The following SLC24A2 variants were observed in gnomAD, a reference collection of about 807,000 sequenced individuals.
SLC24A2 encodes sodium/potassium/calcium exchanger 2.
Under a neutral mutation model 62.0 loss-of-function variants are expected in SLC24A2, and 36 were observed. The ratio of observed to expected loss-of-function variants is 0.58; its 90% CI spans 0.44 to 0.77. The LOEUF (loss-of-function observed/expected upper bound fraction) is 0.77, where lower values mean the gene tolerates loss of function less well. Ranked by LOEUF, SLC24A2 falls within the 30% of genes least tolerant of loss-of-function variation. SLC24A2 has a pLI of 0.00. For synonymous variants in SLC24A2, 358 were observed against 294.0 expected (o/e 1.22, Z -2.23); for missense variants, 846 against 817.9 (o/e 1.03, Z -0.42).
the SLC24A2 span, among the ~76,000 whole-genome samples, chr9:19,987,621 T>A: frequency 6.6e-6 from 1 of 152,178 alleles, no homozygotes; most frequent in African/African-American, 2.4e-5. Context: ...AGGAAATGTA[T>A]CCATTTTCCA....
At chr9:19,671,515 C>G (rs1819415330) in intron 2 of SLC24A2, among the ~76,000 whole-genome samples, 1 of 152,108 alleles carries the variant, frequency 6.6e-6, no homozygotes, top group Non-Finnish European at 1.5e-5. Context: ...AACAGTTTGA[C>G]TTCCTCTTTA....
At chr9:20,230,065 A>T in the SLC24A2 span, among the ~76,000 whole-genome samples, 4 of 152,158 alleles carry the variant, frequency 2.6e-5, no homozygotes, top group Non-Finnish European at 4.4e-5. Context: ...ACATGAACTC[A>T]TCATTTTTTA....
At chr9:20,258,807 TCTATCTAC>T in the SLC24A2 span, among the ~76,000 whole-genome samples, 3 of 140,768 alleles carry the variant, frequency 2.1e-5, no homozygotes, top group Admixed American at 7.7e-5. Context: ...TATCTATCTA[TCTATCTAC>T]CTTATCTATC....
intron 2 of SLC24A2, among the ~76,000 whole-genome samples, chr9:19,770,564 C>T (rs1023212837): frequency 1.3e-5 from 2 of 152,138 alleles, no homozygotes; most frequent in African/African-American, 2.4e-5. Context: ...TATTACCTTA[C>T]TAACTATCAT....
the SLC24A2 span, among the ~76,000 whole-genome samples, chr9:20,058,607 T>C: frequency 2.0e-5 from 3 of 152,022 alleles, no homozygotes; most frequent in African/African-American, 7.2e-5. Flanking sequence ...CCAAGACGCA[T>C]TAAATACAAC....
At chr9:19,610,100 C>A (rs995337716) in intron 4 of SLC24A2, among the ~76,000 whole-genome samples, 6 of 152,104 alleles carry the variant, frequency 3.9e-5, no homozygotes, top group Admixed American at 6.5e-5. Context: ...GAGAATTATT[C>A]CTACTCCTAT....
At chr9:19,601,576 T>G (rs965599718) in intron 4 of SLC24A2, among the ~76,000 whole-genome samples, 1 of 152,200 alleles carries the variant, frequency 6.6e-6, no homozygotes, top group African/African-American at 2.4e-5. Flanking sequence ...CAACTCTGGA[T>G]ACATTTTTAC....
chr9:19,581,142 C>T (rs1836196717), intron 5 of SLC24A2, among the ~76,000 whole-genome samples: 1 of 152,194 alleles, frequency 6.6e-6, no homozygotes, highest in African/African-American at 2.4e-5. Context: ...GGAGAATCAG[C>T]CACATTCAGA....
the SLC24A2 span, among the ~76,000 whole-genome samples, chr9:20,278,587 C>T: frequency 6.6e-6 from 1 of 152,210 alleles, no homozygotes; most frequent in African/African-American, 2.4e-5. Flanking sequence ...TCTGAGACCA[C>T]CTCAGCCTGG....
chr9:20,182,687 G>T, the SLC24A2 span, among the ~76,000 whole-genome samples: 4 of 152,148 alleles, frequency 2.6e-5, no homozygotes, highest in African/African-American at 7.2e-5. Context: ...TAATGCAAAT[G>T]ACGAGTTGAT....
At chr9:19,556,360 T>G (rs1835086579) in intron 7 of SLC24A2, among the ~76,000 whole-genome samples, 1 of 152,210 alleles carries the variant, frequency 6.6e-6, no homozygotes, top group Non-Finnish European at 1.5e-5. Flanking sequence ...AAAATATTTC[T>G]TGGAGGCAAC....
the SLC24A2 span, among the ~76,000 whole-genome samples, chr9:20,210,892 T>C: frequency 6.6e-6 from 1 of 151,906 alleles, no homozygotes; most frequent in Non-Finnish European, 1.5e-5. Context: ...GACATGTGAT[T>C]ATCATCACAA....
At chr9:20,209,668 ACACT>A in the SLC24A2 span, among the ~76,000 whole-genome samples, 1 of 152,152 alleles carries the variant, frequency 6.6e-6, no homozygotes, top group Non-Finnish European at 1.5e-5. Flanking sequence ...AACGCCAGCC[ACACT>A]CACCCTAAGA....
chr9:19,535,058 G>A (rs915644469), intron 8 of SLC24A2, among the ~76,000 whole-genome samples: 3 of 152,036 alleles, frequency 2.0e-5, no homozygotes, highest in Admixed American at 1.3e-4. Context: ...ATTCTAACTG[G>A]TATGAGATAG....
At position 19,525,689 on chromosome 9, in the gene SLC24A2, C is replaced by G. The variant is rs1586890895; in HGVS notation, c.1569+2360G>C. Among the ~76,000 whole-genome samples the G allele has an allele frequency of 3.3e-5, 5 of 151,604 alleles. No homozygotes were observed. The South Asian group carries it at 1.0e-3, about 32-fold the overall frequency. On this transcript the variant is annotated intron_variant, in intron 9 of 10. Coordinates refer to ENST00000341998, the MANE Select transcript of SLC24A2 (RefSeq NM_020344.4). Reference sequence around the variant, plus strand: ...AAAGTGCTGGGACTACAGGCATGACCCACTGCAACCAGCCTGCAAGTTTTT... The same window carrying G: ...AAAGTGCTGGGACTACAGGCATGACGCACTGCAACCAGCCTGCAAGTTTTT...
chr9:20,249,859 T>A, the SLC24A2 span, among the ~76,000 whole-genome samples: 5 of 152,168 alleles, frequency 3.3e-5, no homozygotes, highest in African/African-American at 7.2e-5. Flanking sequence ...AACACTGACC[T>A]CTTACACCCA....
chr9:20,242,752 G>A, the SLC24A2 span, among the ~76,000 whole-genome samples: 1 of 152,196 alleles, frequency 6.6e-6, no homozygotes, highest in African/African-American at 2.4e-5. Flanking sequence ...AGCTAAAGTG[G>A]AAGGAAACAT....
intron 2 of SLC24A2, among the ~76,000 whole-genome samples, chr9:19,623,490 A>G (rs1032223350): frequency 2.6e-5 from 4 of 152,228 alleles, no homozygotes; most frequent in Admixed American, 6.5e-5. Context: ...AAAATATTCA[A>G]TTACCTAAAA....
At chr9:19,787,185 G>C (rs1314155415) in intron 1 of SLC24A2, among the ~76,000 whole-genome samples, 166 bp from the exon 2 acceptor site, 1 of 152,114 alleles carries the variant, frequency 6.6e-6, no homozygotes, top group Non-Finnish European at 1.5e-5. Flanking sequence ...GACAATTACG[G>C]TACCTACCAC....
Sources: allele counts gnomAD v4.1 joint callset (sites outside exome capture counted in the v4.1 genomes callset), GRCh38; gene constraint gnomAD v4.1.1; transcripts MANE v1.5; gene names NCBI Gene and HGNC (gene_info 2026-07-23, HGNC 2026-07-21).